The following STX8 variants were observed in gnomAD, a reference collection of about 807,000 sequenced individuals.
The protein encoded by STX8 is syntaxin 8, also known as syntaxin-8.
Under a neutral mutation model 37.5 loss-of-function variants are expected in STX8, and 23 were observed. That is an observed-to-expected ratio of 0.61 (90% confidence interval 0.44 to 0.87). The LOEUF is 0.87. Among genes scored for constraint, STX8 ranks in the 40% least tolerant of loss-of-function variants. The pLI is 0.00. For synonymous variants in STX8, 115 were observed against 99.1 expected (o/e 1.16, Z -0.95); for missense variants, 313 against 284.7 (o/e 1.10, Z -0.71).
chr17:9,556,429 C>G (rs1434244500), intron 3 of STX8, among the ~76,000 whole-genome samples: 1 of 151,756 alleles, frequency 6.6e-6, no homozygotes, highest in Non-Finnish European at 1.5e-5. Flanking sequence ...CTAAATTGAT[C>G]AGATTATGAA....
intron 5 of STX8, among the ~76,000 whole-genome samples, chr17:9,502,647 A>G (rs968904359): frequency 1.3e-5 from 2 of 152,190 alleles, no homozygotes; most frequent in Non-Finnish European, 2.9e-5. Context: ...TACCCCAGAA[A>G]AAATGCAAAT....
intron 7 of STX8, among the ~76,000 whole-genome samples, chr17:9,370,410 C>G (rs1302979632): frequency 6.6e-6 from 1 of 152,102 alleles, no homozygotes; most frequent in Non-Finnish European, 1.5e-5. Context: ...CTAAGTCACC[C>G]AGGCTGTAAG....
chr17:9,546,905 T>TC (rs917295108), intron 3 of STX8, among the ~76,000 whole-genome samples: 47 of 61,614 alleles, frequency 7.6e-4, no homozygotes, highest in African/African-American at 3.0e-3. Flanking sequence ...ACACAAGTTT[T>TC]TGTTTGTTTG....
chr17:9,372,012 G>A lies in STX8; in HGVS notation c.643+6540C>T, dbSNP rs1292094656. On this transcript the variant is annotated intron_variant, in intron 7 of 7. Coordinates refer to ENST00000306357, the MANE Select transcript of STX8 (RefSeq NM_004853.3). ...CATTGCCCTTAGAAATTTATTTTTA[G>A]TTGGCTCCTAGCATCCTAGAATATG... 2.0e-5 allele frequency among the ~76,000 whole-genome samples: 3 copies of A among 152,142 alleles called. No homozygotes were observed. The East Asian group carries it at 5.8e-4, about 29-fold the overall frequency.
chr17:9,547,118 T>G (rs1238808668), intron 3 of STX8, among the ~76,000 whole-genome samples: 1 of 151,146 alleles, frequency 6.6e-6, no homozygotes, highest in Admixed American at 6.6e-5. Flanking sequence ...CGTGGTGGCG[T>G]GCGCCTGTAG....
intron 7 of STX8, among the ~76,000 whole-genome samples, chr17:9,337,084 T>C (rs539280534): frequency 2.6e-5 from 4 of 152,304 alleles, no homozygotes; most frequent in South Asian, 2.1e-4. Flanking sequence ...CTAAGAGGAT[T>C]GGAAAGAAAT....
At chr17:9,565,709 G>T (rs575720116) in intron 2 of STX8, among the ~76,000 whole-genome samples, 1 of 151,950 alleles carries the variant, frequency 6.6e-6, no homozygotes, top group African/African-American at 2.4e-5. Context: ...AGCAATGGGG[G>T]AAGGATTCCC....
intron 7 of STX8, among the ~76,000 whole-genome samples, chr17:9,318,169 C>T (rs764812120): frequency 3.9e-5 from 6 of 152,134 alleles, no homozygotes; most frequent in Non-Finnish European, 7.3e-5. Flanking sequence ...ATGTGCACAA[C>T]GTGCAGGTAT....
chr17:9,503,397 A>G (rs1044395588), intron 5 of STX8, among the ~76,000 whole-genome samples: 3 of 152,192 alleles, frequency 2.0e-5, no homozygotes, highest in African/African-American at 7.2e-5. Flanking sequence ...TATTGCAGTG[A>G]TGGTTTCACA....
chr17:9,304,924 AATATGT>A (rs901275888), intron 7 of STX8, among the ~76,000 whole-genome samples: 8 of 135,034 alleles, frequency 5.9e-5, no homozygotes, highest in African/African-American at 2.3e-4. Flanking sequence ...CGAAAAAAAA[AATATGT>A]ATATATATAT....
chr17:9,422,096 C>T (rs1445661892), intron 6 of STX8, among the ~76,000 whole-genome samples: 1 of 150,352 alleles, frequency 6.7e-6, no homozygotes, highest in Non-Finnish European at 1.5e-5. Flanking sequence ...TACCCAGTCT[C>T]GGGTAGTAGT....
chr17:9,293,747 T>C (rs1908405239), intron 7 of STX8, among the ~76,000 whole-genome samples: 1 of 151,560 alleles, frequency 6.6e-6, no homozygotes, highest in Non-Finnish European at 1.5e-5. Flanking sequence ...ACTTTTTATG[T>C]GGTCACCATT....
intron 7 of STX8, among the ~76,000 whole-genome samples, chr17:9,297,594 G>A (rs2551799): frequency 0.58 from 87,660 of 152,130 alleles, 25,559 homozygotes; most frequent in Middle Eastern, 0.64. Context: ...TTAGCCGGAT[G>A]CAGTAGCTCA....
intron 3 of STX8, among the ~76,000 whole-genome samples, chr17:9,555,895 C>CA (rs1002394213): frequency 0.056 from 5,130 of 91,976 alleles, 285 homozygotes; most frequent in African/African-American, 0.16. Context: ...GACTCCGTCT[C>CA]AAAAAAAAAA....
At chr17:9,383,992 C>T (rs1911905182) in intron 6 of STX8, among the ~76,000 whole-genome samples, 1 of 152,118 alleles carries the variant, frequency 6.6e-6, no homozygotes, top group Non-Finnish European at 1.5e-5. Context: ...TGGCCTGACC[C>T]ATATGGTAGT....
intron 6 of STX8, among the ~76,000 whole-genome samples, chr17:9,418,529 A>C (rs961378185): frequency 6.7e-6 from 1 of 150,172 alleles, no homozygotes; most frequent in Admixed American, 6.6e-5. Context: ...AAAAAAAAAA[A>C]AACAAAAAAA....
chr17:9,504,695 C>T (rs1204160481), intron 5 of STX8, among the ~76,000 whole-genome samples: 4 of 152,118 alleles, frequency 2.6e-5, no homozygotes, highest in South Asian at 4.1e-4. Flanking sequence ...AATCTGGTGG[C>T]CGGGCACGGT....
At position 9,507,394 on chromosome 17, in the gene STX8, T is replaced by C. The variant is rs934510319; in HGVS notation, c.324-2232A>G. On this transcript the variant is annotated intron_variant, in intron 4 of 7. Transcript: ENST00000306357. This position sits in a 1 kb window ranked among gnomAD's most constrained non-coding sequence, Gnocchi z 4.0. ...AGCAGCCTTGTGTTCATATCCCGGG[T>C]CTGAGAAGCAACTCCTCAGGCCACT... Among the ~76,000 whole-genome samples the C allele has an allele frequency of 6.6e-6, 1 of 150,692 alleles. No individual in the cohort carries two copies.
At position 9,268,959 on chromosome 17, in the gene STX8, G is replaced by A. The variant is rs375737425; in HGVS notation, c.644-18314C>T. 3.6e-3 allele frequency among the ~76,000 whole-genome samples: 547 copies of A among 152,168 alleles called. 5 individuals carry two copies. Among genetic ancestry groups the A allele is most frequent in the African/African-American group, 0.012 (506 of 41,524 alleles). ...TCCCAGCACTTTGGGAGGCTGAGGCGGGCGGATCATGAAGTCAGCAGATCG... is the reference window on the plus strand; with the variant it reads ...TCCCAGCACTTTGGGAGGCTGAGGCAGGCGGATCATGAAGTCAGCAGATCG... On this transcript the variant is annotated intron_variant, in intron 7 of 7. Coordinates refer to ENST00000306357, the MANE Select transcript of STX8 (RefSeq NM_004853.3).
Sources: gnomAD v4.1 joint callset for allele counts (sites outside exome capture counted in the v4.1 genomes callset) on GRCh38, gnomAD v4.1.1 for gene constraint, Gnocchi (gnomAD v3.1) non-coding constraint, MANE v1.5 for transcripts, NCBI Gene and HGNC (gene_info 2026-07-23, HGNC 2026-07-21) for gene names.